The following CACNA1E variants were observed in gnomAD, a reference collection of about 807,000 sequenced individuals.
The protein encoded by CACNA1E is voltage-dependent R-type calcium channel subunit alpha-1E.
A neutral mutation model predicts 259.2 loss-of-function variants in CACNA1E; 40 were observed. The ratio of observed to expected loss-of-function variants is 0.15; its 90% CI spans 0.12 to 0.20. CACNA1E has a LOEUF of 0.20. Among genes scored for constraint, CACNA1E ranks in the 10% least tolerant of loss-of-function variants. The pLI, the probability that CACNA1E is intolerant of heterozygous loss-of-function variation, is 1.00. For missense variants in CACNA1E, 1,874 were observed against 3,040.1 expected (o/e 0.62, Z 9.02); for synonymous variants, 1,104 against 1,138.5 (o/e 0.97, Z 0.61).
At position 181,760,653 on chromosome 1, in the gene CACNA1E, T is replaced by C. The variant is rs567282256; in HGVS notation, c.4605+1785T>C. On this transcript the variant is annotated intron_variant, in intron 32 of 47. Coordinates refer to ENST00000367573, the MANE Select transcript of CACNA1E (RefSeq NM_001205293.3). Reference sequence around the variant, plus strand: ...CATATTGCTTTTCTCTCCATAACAATATATTAAATAAGCATTCTTATTTTC... The same window carrying C: ...CATATTGCTTTTCTCTCCATAACAACATATTAAATAAGCATTCTTATTTTC... Among the ~76,000 whole-genome samples, 3 of 152,322 alleles carry C rather than the reference T, an allele frequency of 2.0e-5. No individual in the cohort carries two copies. The South Asian group carries it at 6.2e-4, about 32-fold the overall frequency.
chr1:181,689,314 TC>T (rs1412776580), intron 7 of CACNA1E, among the ~76,000 whole-genome samples: 1 of 152,208 alleles, frequency 6.6e-6, no homozygotes, highest in Non-Finnish European at 1.5e-5. Context: ...CATGAACTCA[TC>T]CTTTTTTGTG....
rs1661049020 is a variant in CACNA1E at position 181,788,691 on chromosome 1, G to A, written c.5787-1754G>A. Among the ~76,000 whole-genome samples the A allele has an allele frequency of 2.0e-5, 3 of 152,198 alleles. 1 individual carries two copies. In the South Asian group the frequency reaches 6.2e-4, roughly 31 times the overall value. On this transcript the variant is annotated intron_variant, in intron 43 of 47. Coordinates refer to ENST00000367573, the MANE Select transcript of CACNA1E (RefSeq NM_001205293.3). ...GCTAGTGACGTAGGGACCAGATCAT[G>A]AGGGAGGCTGTGTTCAGAATTCTGG... is the stretch of plus-strand genomic sequence containing the variant.
At chr1:181,653,316 G>C (rs1658923391) in intron 7 of CACNA1E, among the ~76,000 whole-genome samples, 1 of 152,032 alleles carries the variant, frequency 6.6e-6, no homozygotes, top group African/African-American at 2.4e-5. Context: ...AATCATGGAG[G>C]TGGGTCTTTC....
At chr1:181,621,368 C>T (rs1403105447) in intron 6 of CACNA1E, among the ~76,000 whole-genome samples, 1 of 152,104 alleles carries the variant, frequency 6.6e-6, no homozygotes, top group Admixed American at 6.5e-5. Flanking sequence ...AACCATAAAC[C>T]AGGAAAAGAG....
chr1:181,640,903 A>G (rs946097402), intron 6 of CACNA1E, among the ~76,000 whole-genome samples: 4 of 152,250 alleles, frequency 2.6e-5, no homozygotes, highest in Admixed American at 6.5e-5. Context: ...ATAAAGATGC[A>G]GTTCTGTCTT....
chr1:181,571,682 T>G (rs901967890), intron 3 of CACNA1E, among the ~76,000 whole-genome samples: 2 of 152,214 alleles, frequency 1.3e-5, no homozygotes, highest in East Asian at 3.8e-4. Context: ...CTAACATCCT[T>G]TGCTAGTGTT....
chr1:181,798,544 C>G lies in CACNA1E; in HGVS notation c.6652C>G (p.Gln2218Glu). ...GTCTTCCAACTCTCCGCACCCCCAG[C>G]AGAGCCAACATGCCTCCCCACAGCG... ...TESSNSPHPQ[Q>E]SQHASPQRYI... The change falls in exon 48 of 48, where the codon CAG (glutamine) becomes GAG (glutamate). Residue 2218 changes from glutamine to glutamate, a missense_variant. By Grantham distance (29) the Gln-to-Glu change is conservative. This residue lies in a region of CACNA1E where 542 missense variants were observed against 587.2 expected (regional missense o/e 0.92). Coordinates refer to ENST00000367573, the MANE Select transcript of CACNA1E (RefSeq NM_001205293.3). The surrounding 1 kb of genome is among the most constrained non-coding windows in gnomAD (Gnocchi z 4.2). The G allele has an allele frequency of 1.2e-6, 2 of 1,613,840 alleles. No homozygotes were observed. Among genetic ancestry groups the G allele is most frequent in the Non-Finnish European group, 1.7e-6 (2 of 1,179,884 alleles).
chr1:181,411,618 T>C (rs1657847103), intron 1 of CACNA1E, among the ~76,000 whole-genome samples: 1 of 152,170 alleles, frequency 6.6e-6, no homozygotes, highest in Admixed American at 6.5e-5. Flanking sequence ...CCTCTTTTTT[T>C]TCTTTTTTTG....
At chr1:181,359,626 G>A (rs1299222161) in intron 1 of CACNA1E, among the ~76,000 whole-genome samples, 1 of 152,122 alleles carries the variant, frequency 6.6e-6, no homozygotes, top group African/African-American at 2.4e-5. Flanking sequence ...TGCTTCCTCT[G>A]CTAGTTTGGA....
intron 1 of CACNA1E, among the ~76,000 whole-genome samples, chr1:181,496,338 A>G (rs895567823): frequency 2.6e-5 from 4 of 152,210 alleles, no homozygotes; most frequent in African/African-American, 9.6e-5. Context: ...TAACAGACTC[A>G]CTTGATTTTG....
chr1:181,610,496 GA>G (rs1315735112), intron 6 of CACNA1E, among the ~76,000 whole-genome samples: 1 of 152,188 alleles, frequency 6.6e-6, no homozygotes, highest in Non-Finnish European at 1.5e-5. Flanking sequence ...CTTTGGCTTT[GA>G]AGTTGGACAT....
intron 7 of CACNA1E, among the ~76,000 whole-genome samples, chr1:181,686,868 G>A (rs1005020786): frequency 3.9e-5 from 6 of 152,210 alleles, no homozygotes; most frequent in Admixed American, 3.3e-4. Flanking sequence ...GGGGCAAAGA[G>A]AGTTCTAAAA....
rs759886074 is a variant in CACNA1E, at chr1:181,796,800, C to T, written c.6341C>T (p.Pro2114Leu). ...GGGACCCAGGCTGACTGGGAGTCCC[C>T]AGAGCGCCGTCAATCCAGGTCACCC... The part of the protein sequence containing the change: ...ERGTQADWES[P>L]ERRQSRSPSE... The change falls in exon 47 of 48, where the codon CCA becomes CTA. Residue 2114 changes from proline to leucine, a missense_variant. Coordinates refer to ENST00000367573, the MANE Select transcript of CACNA1E (RefSeq NM_001205293.3). The T allele has an allele frequency of 3.7e-6, 6 of 1,610,920 alleles. No homozygotes were observed. Among genetic ancestry groups the T allele is most frequent in the South Asian group, 2.2e-5 (2 of 90,244 alleles).
At chr1:181,365,914 C>T (rs965357709) in intron 1 of CACNA1E, among the ~76,000 whole-genome samples, 2 of 152,212 alleles carry the variant, frequency 1.3e-5, no homozygotes, top group African/African-American at 2.4e-5. Context: ...GGCAGATGTA[C>T]TGTGCAAACT....
chr1:181,718,152 C>T lies in CACNA1E; in HGVS notation c.1623C>T (p.Asn541=). 6.3e-7 allele frequency: 1 copy of T among 1,597,694 alleles called. No homozygotes were observed. The highest frequency in any genetic ancestry group is 2.2e-5 in the East Asian group (1 of 44,810). ...GPRLYFHSSF[N]CFDFGVTVGS... ...GCCTTTATTTTCACTCTTCATTCAA[C>T]TGCTTTGATTTTGGGGTAAGTCCTC... is the stretch of plus-strand genomic sequence containing the variant. The change falls in exon 12 of 48, where the codon AAC becomes AAT. Residue 541 remains asparagine (N), a synonymous_variant. Coordinates refer to ENST00000367573, the MANE Select transcript of CACNA1E (RefSeq NM_001205293.3).
intron 7 of CACNA1E, among the ~76,000 whole-genome samples, chr1:181,668,579 C>T (rs1223592192): frequency 6.6e-6 from 1 of 152,146 alleles, no homozygotes; most frequent in South Asian, 2.1e-4. Flanking sequence ...ACCTGTCTTC[C>T]AGAGTGGCTG....
At chr1:181,791,924 T>C (rs1322836823) in intron 44 of CACNA1E, among the ~76,000 whole-genome samples, 2 of 152,194 alleles carry the variant, frequency 1.3e-5, no homozygotes, top group Non-Finnish European at 2.9e-5. Flanking sequence ...AACAAATGCG[T>C]GCTTCTATCT....
intron 6 of CACNA1E, among the ~76,000 whole-genome samples, chr1:181,587,365 C>A (rs1652172669): frequency 6.6e-6 from 1 of 152,032 alleles, no homozygotes; most frequent in Admixed American, 6.6e-5. Context: ...GACCAGTGAG[C>A]CTGGTGTGTT....
intron 1 of CACNA1E, among the ~76,000 whole-genome samples, chr1:181,403,312 C>A (rs936266433): frequency 2.0e-5 from 3 of 151,134 alleles, no homozygotes; most frequent in Non-Finnish European, 2.9e-5. Context: ...TAAATATTAA[C>A]CATTATTTTT....
Sources: allele counts gnomAD v4.1 joint callset (sites outside exome capture counted in the v4.1 genomes callset), GRCh38; gene constraint gnomAD v4.1.1; regional missense constraint gnomAD v4.1.1; non-coding constraint Gnocchi (gnomAD v3.1); transcripts MANE v1.5; gene names NCBI Gene and HGNC (gene_info 2026-07-23, HGNC 2026-07-21).